The following GPC5 variants were observed in gnomAD, a reference collection of about 807,000 sequenced individuals.
The protein encoded by GPC5 is glypican-5.
In GPC5, 47 loss-of-function variants were observed where a neutral mutation model predicts 53.9. The ratio of observed to expected loss-of-function variants is 0.87; its 90% CI spans 0.69 to 1.11. The LOEUF (loss-of-function observed/expected upper bound fraction) is 1.11. GPC5 is among the 50% of genes most tolerant of loss of function. The pLI, the probability that GPC5 is intolerant of heterozygous loss-of-function variation, is 0.00. For missense variants in GPC5, 748 were observed against 713.1 expected (o/e 1.05, Z -0.56); for synonymous variants, 286 against 263.3 (o/e 1.09, Z -0.84).
intron 7 of GPC5, among the ~76,000 whole-genome samples, chr13:92,281,368 A>T (rs541974047): frequency 6.6e-6 from 1 of 152,304 alleles, no homozygotes; most frequent in South Asian, 2.1e-4. Context: ...GCAGAAGTAA[A>T]TGTCCCTGTC....
At chr13:91,987,408 T>C (rs1407246475) in intron 6 of GPC5, among the ~76,000 whole-genome samples, 1 of 152,222 alleles carries the variant, frequency 6.6e-6, no homozygotes, top group Admixed American at 6.5e-5. Context: ...CCTTTATGAA[T>C]TTCACTGTTG....
intron 7 of GPC5, among the ~76,000 whole-genome samples, chr13:92,175,663 G>A (rs2042104160): frequency 6.6e-6 from 1 of 151,604 alleles, no homozygotes; most frequent in South Asian, 2.1e-4. Context: ...AAAAAACTCA[G>A]ACTTCTCTTT....
rs376459003 is a variant in GPC5, at chr13:92,663,808, T to C, written c.1562-202474T>C. Among the ~76,000 whole-genome samples the C allele has an allele frequency of 3.8e-5, 5 of 131,052 alleles. No homozygotes were observed. The East Asian group carries it at 6.2e-4, about 16-fold the overall frequency. The allele number at this position is 131,052 out of a possible 152,430, so 86.0% of individuals were successfully genotyped here. A position where few individuals can be genotyped will look rare whatever the true frequency, so the allele number is the denominator to read the frequency against. On this transcript the variant is annotated intron_variant, in intron 7 of 7. Coordinates refer to ENST00000377067, the MANE Select transcript of GPC5 (RefSeq NM_004466.6). ...ACTATATATACACACACTATATATA[T>C]ACACACTATATATATATACACACAC...
chr13:91,991,829 T>C (rs986989724), intron 6 of GPC5, among the ~76,000 whole-genome samples: 3 of 147,620 alleles, frequency 2.0e-5, no homozygotes, highest in Non-Finnish European at 3.0e-5. Flanking sequence ...ATAGTTAATT[T>C]CTCTGCATCT....
intron 5 of GPC5, among the ~76,000 whole-genome samples, chr13:91,828,472 C>T (rs557779569): frequency 5.3e-5 from 8 of 152,052 alleles, no homozygotes; most frequent in Non-Finnish European, 1.0e-4. Context: ...AGCAATGTCA[C>T]GTTGATTGCA....
rs540943719 is a variant in GPC5, at chr13:92,681,199, T to TA, written c.1562-185075dup. Among the ~76,000 whole-genome samples the TA allele has an allele frequency of 1.0e-3, 158 of 151,938 alleles. 1 individual carries two copies. Among genetic ancestry groups the TA allele is most frequent in the Middle Eastern group, 0.01 (3 of 294 alleles). On this transcript the variant is annotated intron_variant, in intron 7 of 7. Coordinates refer to ENST00000377067, the MANE Select transcript of GPC5 (RefSeq NM_004466.6). ...CTCCTCTGAATATCAATTGATAAAA[T>TA]AAAAAAAATTCCAAAATTAATTGTA...
At chr13:92,000,837 A>G (rs1395075499) in intron 6 of GPC5, among the ~76,000 whole-genome samples, 1 of 152,168 alleles carries the variant, frequency 6.6e-6, no homozygotes, top group African/African-American at 2.4e-5. Context: ...ATAGAACACT[A>G]TATGTAAGGC....
chr13:92,355,055 ATAT>A (rs1366265526), intron 7 of GPC5, among the ~76,000 whole-genome samples: 6 of 150,978 alleles, frequency 4.0e-5, no homozygotes, highest in African/African-American at 1.5e-4. Context: ...GATTAGCATA[ATAT>A]TTAATTATGC....
intron 7 of GPC5, among the ~76,000 whole-genome samples, chr13:92,664,161 G>A (rs1284740780): frequency 6.6e-6 from 1 of 151,904 alleles, no homozygotes; most frequent in Non-Finnish European, 1.5e-5. Context: ...GTGGAGGACT[G>A]CATGTGAAAG....
At chr13:92,740,397 C>A (rs1889052013) in intron 7 of GPC5, among the ~76,000 whole-genome samples, 1 of 152,072 alleles carries the variant, frequency 6.6e-6, no homozygotes, top group African/African-American at 2.4e-5. Context: ...ATGCACTTTA[C>A]ATCTATAAGG....
At chr13:91,431,806 T>G (rs1879474034) in intron 1 of GPC5, among the ~76,000 whole-genome samples, 11 of 152,164 alleles carry the variant, frequency 7.2e-5, no homozygotes, top group Admixed American at 7.2e-4. Context: ...AAAGGAAGTA[T>G]CTGTTGTAGC....
intron 6 of GPC5, among the ~76,000 whole-genome samples, chr13:91,999,279 T>C (rs755958195): frequency 2.0e-5 from 3 of 152,154 alleles, no homozygotes; most frequent in Non-Finnish European, 4.4e-5. Flanking sequence ...TTTAATCCCA[T>C]ATTGCCTAAT....
chr13:91,802,327 C>T (rs940118526), intron 5 of GPC5, among the ~76,000 whole-genome samples: 11 of 151,078 alleles, frequency 7.3e-5, no homozygotes, highest in Non-Finnish European at 1.0e-4. Context: ...TTAAAGGTGG[C>T]GCATCAGAGT....
intron 7 of GPC5, among the ~76,000 whole-genome samples, chr13:92,442,020 C>A (rs973498846): frequency 1.3e-5 from 2 of 152,090 alleles, no homozygotes. Flanking sequence ...AGGCAAAAAA[C>A]CCAATAGTGT....
intron 3 of GPC5, among the ~76,000 whole-genome samples, chr13:91,706,246 G>A (rs1443812952): frequency 6.6e-6 from 1 of 151,130 alleles, no homozygotes; most frequent in Non-Finnish European, 1.5e-5. Context: ...ACTAAGATCT[G>A]TAAAGTTAGA....
chr13:92,570,692 G>A (rs1249728350), intron 7 of GPC5, among the ~76,000 whole-genome samples: 1 of 152,002 alleles, frequency 6.6e-6, no homozygotes, highest in Non-Finnish European at 1.5e-5. Flanking sequence ...GGATATGGAG[G>A]AAAATCCATA....
intron 7 of GPC5, among the ~76,000 whole-genome samples, chr13:92,506,020 C>T (rs575092468): frequency 7.2e-5 from 11 of 152,058 alleles, no homozygotes; most frequent in Non-Finnish European, 1.5e-4. Flanking sequence ...TATAACTGTT[C>T]GGCCTTCTTT....
chr13:91,604,599 T>A (rs1428266107), intron 2 of GPC5, among the ~76,000 whole-genome samples: 308 of 128,036 alleles, frequency 2.4e-3, no homozygotes, highest in South Asian at 3.7e-3. Context: ...TTTCTCCACA[T>A]CCTCTCCAGC....
chr13:92,452,750 G>T (rs1254297122), intron 7 of GPC5, among the ~76,000 whole-genome samples: 4 of 152,140 alleles, frequency 2.6e-5, no homozygotes, highest in Non-Finnish European at 5.9e-5. Context: ...TGTATTTTTA[G>T]TGGTGACGGG....
Sources: gnomAD v4.1 joint callset for allele counts (sites outside exome capture counted in the v4.1 genomes callset) on GRCh38, gnomAD v4.1.1 for gene constraint, MANE v1.5 for transcripts, NCBI Gene and HGNC (gene_info 2026-07-23, HGNC 2026-07-21) for gene names.